SLCO6A1: variants seen among roughly 807,000 people sequenced by gnomAD.
SLCO6A1 encodes cancer/testis antigen 48.
Under a neutral mutation model 72.7 loss-of-function variants are expected in SLCO6A1, and 65 were observed. The observed-to-expected ratio is 0.89, with a 90% CI of 0.73 to 1.10. The LOEUF (loss-of-function observed/expected upper bound fraction) is 1.10. SLCO6A1 is among the 50% of genes least tolerant of loss of function. The pLI is 0.00. For synonymous variants in SLCO6A1, 314 were observed against 298.2 expected, an observed-to-expected ratio of 1.05 and a Z score of -0.55; for missense variants, 874 against 872.6, an observed-to-expected ratio of 1.00 and a Z score of -0.02.
At chr5:102,421,790 C>T (rs539506563) in intron 7 of SLCO6A1, among the ~76,000 whole-genome samples, 2 of 152,314 alleles carry the variant, frequency 1.3e-5, no homozygotes, top group African/African-American at 4.8e-5. Flanking sequence ...TGACTGCTTC[C>T]TCAAGTGGGT....
chr5:102,491,188 G>C (rs533546477), intron 1 of SLCO6A1, among the ~76,000 whole-genome samples: 11 of 152,302 alleles, frequency 7.2e-5, no homozygotes, highest in African/African-American at 2.6e-4. Flanking sequence ...CACAAACCCT[G>C]AGCTAGACCC....
Position 102,386,760 on chromosome 5 carries a change from G to A in SLCO6A1, c.2017+1928C>T, listed in dbSNP as rs201538824. Among the ~76,000 whole-genome samples, 6 of 152,292 alleles carry A rather than the reference G, an allele frequency of 3.9e-5. No individual in the cohort carries two copies. The East Asian group carries it at 1.2e-3, about 29-fold the overall frequency. Reference sequence around the variant, plus strand: ...GGGACTCAACCTGTAGTTGCAGCAGGCCTGGAGTTTCCTCCACAGGTGTCT... The same window carrying A: ...GGGACTCAACCTGTAGTTGCAGCAGACCTGGAGTTTCCTCCACAGGTGTCT... On this transcript the variant is annotated intron_variant, in intron 12 of 13. Transcript: ENST00000506729.
At chr5:102,386,695 G>A (rs2112504370) in intron 12 of SLCO6A1, among the ~76,000 whole-genome samples, 1 of 152,258 alleles carries the variant, frequency 6.6e-6, no homozygotes, top group Non-Finnish European at 1.5e-5. Flanking sequence ...ACAGGATTGG[G>A]GGCATAGTCT....
chr5:102,480,080 T>C lies in SLCO6A1; in HGVS notation c.616+97A>G, dbSNP rs574137624. On this transcript the variant is annotated intron_variant, in intron 2 of 13. Transcript: ENST00000506729. ...AATCAAATGGATGGATGGATAGATATACAGACAAATAATTATCACAGTCTA... is the reference window on the plus strand; with the variant it reads ...AATCAAATGGATGGATGGATAGATACACAGACAAATAATTATCACAGTCTA... The C allele has an allele frequency of 5.5e-5, 65 of 1,185,846 alleles. No individual in the cohort carries two copies. The Middle Eastern group carries it at 2.1e-3, about 38-fold the overall frequency. The allele number at this position is 1,185,846 out of a possible 1,614,324, so 73.5% of individuals were successfully genotyped here. A position where few individuals can be genotyped will look rare whatever the true frequency, so the allele number is the denominator to read the frequency against.
chr5:102,469,682 C>G (rs942633844), intron 4 of SLCO6A1, among the ~76,000 whole-genome samples: 18 of 152,122 alleles, frequency 1.2e-4, no homozygotes, highest in African/African-American at 4.3e-4. Context: ...CTGGCCAGAA[C>G]TTCCAATACT....
chr5:102,386,907 C>T (rs556854963), intron 12 of SLCO6A1, among the ~76,000 whole-genome samples: 94 of 152,278 alleles, frequency 6.2e-4, no homozygotes, highest in African/African-American at 2.2e-3. Context: ...GAGGGTATCT[C>T]TCTGCACTGT....
In SLCO6A1 at chr5:102,388,039, A is replaced by G. The variant is rs141759329; in HGVS notation, c.2017+649T>C. Among the ~76,000 whole-genome samples, 1,258 of 152,320 alleles carry G rather than the reference A, an allele frequency of 8.3e-3. 12 individuals are homozygous for G. The highest frequency in any genetic ancestry group is 0.015 in the Non-Finnish European group (1,008 of 68,016). ...AGGCACTGTTATATCATTGAACAAAAGAGAAAATATGAAGTGTAGATTTAA... is the reference window on the plus strand; with the variant it reads ...AGGCACTGTTATATCATTGAACAAAGGAGAAAATATGAAGTGTAGATTTAA... On this transcript the variant is annotated intron_variant, in intron 12 of 13. Transcript: ENST00000506729.
intron 1 of SLCO6A1, among the ~76,000 whole-genome samples, chr5:102,490,190 G>T (rs1342072421): frequency 6.6e-6 from 1 of 152,104 alleles, no homozygotes; most frequent in East Asian, 1.9e-4. Context: ...GGTGACTAGA[G>T]TCACCCTATT....
chr5:102,442,442 T>G (rs112399815), intron 6 of SLCO6A1, among the ~76,000 whole-genome samples: 2 of 152,196 alleles, frequency 1.3e-5, no homozygotes, highest in Admixed American at 1.3e-4. Flanking sequence ...ATTGAATACA[T>G]GTAATGGTTT....
At chr5:102,428,616 C>A (rs1749044323) in intron 7 of SLCO6A1, among the ~76,000 whole-genome samples, 1 of 151,978 alleles carries the variant, frequency 6.6e-6, no homozygotes, top group African/African-American at 2.4e-5. Flanking sequence ...AAGCTTAGTA[C>A]CTGATAGTTA....
intron 12 of SLCO6A1, among the ~76,000 whole-genome samples, chr5:102,377,389 G>A (rs1333757972): frequency 6.6e-6 from 1 of 152,054 alleles, no homozygotes. Context: ...GAAGAGTACA[G>A]TCTTCTACTT....
intron 3 of SLCO6A1, among the ~76,000 whole-genome samples, chr5:102,476,776 T>C (rs1751922109): frequency 6.6e-6 from 1 of 152,068 alleles, no homozygotes; most frequent in African/African-American, 2.4e-5. Flanking sequence ...AGATGATACT[T>C]TAAAGTTATC....
At chr5:102,386,291 G>A (rs1398452350) in intron 12 of SLCO6A1, among the ~76,000 whole-genome samples, 2 of 152,142 alleles carry the variant, frequency 1.3e-5, no homozygotes, top group Non-Finnish European at 2.9e-5. Context: ...CATGAGAGTA[G>A]GCCTGGACCC....
intron 1 of SLCO6A1, among the ~76,000 whole-genome samples, chr5:102,482,120 T>C (rs1421537101): frequency 6.6e-6 from 1 of 152,168 alleles, no homozygotes; most frequent in African/African-American, 2.4e-5. Flanking sequence ...ACTGAGTTTA[T>C]CTCTAAGGTG....
In SLCO6A1 at chr5:102,426,648, G is replaced by T. The variant is rs112551585; in HGVS notation, c.1277-6627C>A. Among the ~76,000 whole-genome samples, 317 of 152,266 alleles carry T rather than the reference G, an allele frequency of 2.1e-3. 3 individuals carry two copies. The highest frequency in any genetic ancestry group is 7.2e-3 in the African/African-American group (301 of 41,560). On this transcript the variant is annotated intron_variant, in intron 7 of 13. Transcript: ENST00000506729. ...ATGCTGGCAAGATTGTGGAGAAATA[G>T]AAACACTTTTACACTGTTGGTGGGA...
At chr5:102,497,672 C>A (rs750745788) in intron 1 of SLCO6A1, among the ~76,000 whole-genome samples, 1 of 152,204 alleles carries the variant, frequency 6.6e-6, no homozygotes, top group South Asian at 2.1e-4. Context: ...TTGCTTCTAA[C>A]CTTTAAACTC....
chr5:102,439,815 G>T lies in SLCO6A1; in HGVS notation c.1132-1054C>A, dbSNP rs545691465. Among the ~76,000 whole-genome samples, 3 of 152,260 alleles carry T rather than the reference G, an allele frequency of 2.0e-5. No homozygotes were observed. The East Asian group carries it at 5.8e-4, about 29-fold the overall frequency. On this transcript the variant is annotated intron_variant, in intron 6 of 13. Transcript: ENST00000506729. ...AGAATGTATCAGGTTACACTAAAATGACTATACCACCACAATGATGGTAGT... is the reference window on the plus strand; with the variant it reads ...AGAATGTATCAGGTTACACTAAAATTACTATACCACCACAATGATGGTAGT...
At position 102,376,601 on chromosome 5, in the gene SLCO6A1, G is replaced by T. The variant is rs1294699718; in HGVS notation, c.2018-3107C>A. 5.3e-5 allele frequency among the ~76,000 whole-genome samples: 8 copies of T among 152,040 alleles called. No homozygotes were observed. In the East Asian group the frequency reaches 1.5e-3, roughly 29 times the overall value. On this transcript the variant is annotated intron_variant, in intron 12 of 13. Transcript: ENST00000506729. ...TGTATTAACCAACCTACAAATTTTA[G>T]CATCCCTCAAGTCAATAATAGAACA...
intron 9 of SLCO6A1, among the ~76,000 whole-genome samples, chr5:102,411,482 C>A (rs921556865): frequency 6.6e-6 from 1 of 152,048 alleles, no homozygotes; most frequent in African/African-American, 2.4e-5. Context: ...CCAGGCTGGT[C>A]CCCAACTCCT....
Sources: gnomAD v4.1 joint callset for allele counts (sites outside exome capture counted in the v4.1 genomes callset) on GRCh38, gnomAD v4.1.1 for gene constraint, MANE v1.5 for transcripts, NCBI Gene and HGNC (gene_info 2026-07-23, HGNC 2026-07-21) for gene names.